Variants in KATNBL1 observed in about 807,000 individuals in gnomAD.
KATNBL1 encodes the protein KATNB1-like protein 1.
A neutral mutation model predicts 44.7 loss-of-function variants in KATNBL1; 28 were observed. That is an observed-to-expected ratio of 0.63 (90% CI 0.46 to 0.86). The LOEUF is 0.86. Ranked by LOEUF, KATNBL1 falls within the 40% of genes least tolerant of loss-of-function variation. The probability of loss-of-function intolerance (pLI) is 0.00; values close to 1 mark genes in which losing one functional copy is unlikely to be tolerated. For missense variants in KATNBL1, 272 were observed against 350.7 expected, an observed-to-expected ratio of 0.78 and a Z score of 1.79; for synonymous variants, 78 against 114.9, an observed-to-expected ratio of 0.68 and a Z score of 2.06.
At chr15:34,208,122 T>C (rs1890341629) in intron 1 of KATNBL1, among the ~76,000 whole-genome samples, 2 of 152,212 alleles carry the variant, frequency 1.3e-5, no homozygotes, top group South Asian at 4.1e-4. Flanking sequence ...AATAGGTTTT[T>C]GGGGAACAAG....
At chr15:34,167,975 T>A (rs1269009291) in intron 1 of KATNBL1, among the ~76,000 whole-genome samples, 1 of 152,164 alleles carries the variant, frequency 6.6e-6, no homozygotes, top group Non-Finnish European at 1.5e-5. Flanking sequence ...TACCAGCCAC[T>A]GCAAAAATAT....
intron 1 of KATNBL1, 108 bp from the exon 2 acceptor site, chr15:34,163,798 A>G: frequency 1.8e-6 from 1 of 565,046 alleles, no homozygotes; most frequent in South Asian, 3.5e-5. Context: ...AAAAAGGCAG[A>G]GGACATCATT....
intron 1 of KATNBL1, among the ~76,000 whole-genome samples, chr15:34,204,459 C>T (rs1890243707): frequency 6.6e-6 from 1 of 152,210 alleles, no homozygotes; most frequent in Admixed American, 6.5e-5. Context: ...CGTGGATACT[C>T]ATGTCCCCTA....
At chr15:34,158,779 C>T (rs139850438) in intron 2 of KATNBL1, among the ~76,000 whole-genome samples, 2 of 152,334 alleles carry the variant, frequency 1.3e-5, no homozygotes, top group African/African-American at 4.8e-5. Context: ...CCTGACTCTA[C>T]TTCTGCAAGG....
chr15:34,146,713 T>C, intron 8 of KATNBL1, 48 bp downstream of exon 8: 1 of 1,069,360 alleles, frequency 9.4e-7, no homozygotes, highest in East Asian at 2.4e-5. Flanking sequence ...TCAAGCTGCT[T>C]TCCTGAAGAA....
intron 1 of KATNBL1, among the ~76,000 whole-genome samples, chr15:34,166,410 G>A (rs1212400320): frequency 6.6e-6 from 1 of 152,240 alleles, no homozygotes. Flanking sequence ...GCTGAGGCTT[G>A]AGTAGGTAAA....
At chr15:34,167,241 A>G (rs1889006438) in intron 1 of KATNBL1, among the ~76,000 whole-genome samples, 1 of 152,250 alleles carries the variant, frequency 6.6e-6, no homozygotes, top group Non-Finnish European at 1.5e-5. Flanking sequence ...ACCAGTGTAG[A>G]GAAGAACTTA....
chr15:34,149,342 A>G (rs1305259970), intron 4 of KATNBL1, among the ~76,000 whole-genome samples: 1 of 151,962 alleles, frequency 6.6e-6, no homozygotes, highest in Non-Finnish European at 1.5e-5. Flanking sequence ...ACATATAAAC[A>G]CTCTGAAAAA....
At chr15:34,162,698 G>A (rs564209409) in intron 2 of KATNBL1, among the ~76,000 whole-genome samples, 1 of 151,950 alleles carries the variant, frequency 6.6e-6, no homozygotes, top group Non-Finnish European at 1.5e-5. Flanking sequence ...TAGCCTTAAC[G>A]CCCTGGGCTC....
intron 3 of KATNBL1, among the ~76,000 whole-genome samples, chr15:34,153,378 T>C (rs1260643488): frequency 6.6e-6 from 1 of 152,188 alleles, no homozygotes; most frequent in Non-Finnish European, 1.5e-5. Context: ...CAACATTTTC[T>C]AGAAACCTGA....
intron 9 of KATNBL1, among the ~76,000 whole-genome samples, chr15:34,143,243 G>A (rs1888204395): frequency 6.6e-6 from 1 of 151,824 alleles, no homozygotes. Context: ...GGGAGGGGGA[G>A]GTGGGTGGGT....
chr15:34,195,181 G>A (rs1222304543), intron 1 of KATNBL1, among the ~76,000 whole-genome samples: 3 of 152,138 alleles, frequency 2.0e-5, no homozygotes, highest in Non-Finnish European at 4.4e-5. Context: ...TAATAGGAAA[G>A]ATATGGAATC....
intron 1 of KATNBL1, among the ~76,000 whole-genome samples, chr15:34,164,804 AT>A (rs1240309346): frequency 1.2e-4 from 19 of 152,226 alleles, no homozygotes; most frequent in Non-Finnish European, 2.2e-4. Flanking sequence ...TTAAAGAATC[AT>A]TTAGGAAACT....
intron 1 of KATNBL1, among the ~76,000 whole-genome samples, chr15:34,200,267 T>TC (rs975606272): frequency 1.6e-4 from 24 of 152,224 alleles, no homozygotes; most frequent in African/African-American, 5.8e-4. Flanking sequence ...CTTCTTTTTT[T>TC]TTTGAGATGG....
intron 9 of KATNBL1, among the ~76,000 whole-genome samples, chr15:34,143,357 C>T (rs150340455): frequency 7.2e-5 from 11 of 151,926 alleles, no homozygotes; most frequent in African/African-American, 1.4e-4. Flanking sequence ...CCCAGCTACT[C>T]GGGAGGCTGA....
intron 9 of KATNBL1, chr15:34,145,037 C>T: frequency 1.0e-6 from 1 of 992,542 alleles, no homozygotes; most frequent in Non-Finnish European, 1.2e-6. Flanking sequence ...TCTCCAAAAC[C>T]ATTTAATTAT....
chr15:34,192,258 G>C (rs1290368320), intron 1 of KATNBL1, among the ~76,000 whole-genome samples: 2 of 152,008 alleles, frequency 1.3e-5, no homozygotes, highest in African/African-American at 4.8e-5. Flanking sequence ...CAAAAAATGA[G>C]ACAGGTGTGG....
At chr15:34,198,990 C>A (rs985968927) in intron 1 of KATNBL1, among the ~76,000 whole-genome samples, 84 of 152,196 alleles carry the variant, frequency 5.5e-4, no homozygotes, top group African/African-American at 1.8e-3. Flanking sequence ...TTAAACGGGG[C>A]ATGGATTCTG....
chr15:34,158,576 T>C (rs1448194078), intron 2 of KATNBL1, among the ~76,000 whole-genome samples: 2 of 152,182 alleles, frequency 1.3e-5, no homozygotes, highest in South Asian at 4.1e-4. Context: ...GAGTGATTAA[T>C]TCTTGTGGAC....
Sources: gnomAD v4.1 joint callset for allele counts (sites outside exome capture counted in the v4.1 genomes callset) on GRCh38, gnomAD v4.1.1 for gene constraint, MANE v1.5 for transcripts, NCBI Gene and HGNC (gene_info 2026-07-23, HGNC 2026-07-21) for gene names.